The following GPHN variants were observed in gnomAD, a reference collection of about 807,000 sequenced individuals.
The protein encoded by GPHN is gephyrin.
In GPHN, 17 loss-of-function variants were observed where a neutral mutation model predicts 95.5. That is an observed-to-expected ratio of 0.18 (90% CI 0.12 to 0.27). The LOEUF is 0.27. GPHN is among the 10% of genes least tolerant of loss of function. The pLI is 1.00. For synonymous variants in GPHN, 320 were observed against 322.5 expected, an observed-to-expected ratio of 0.99 and a Z score of 0.08; for missense variants, 660 against 978.1, an observed-to-expected ratio of 0.67 and a Z score of 4.34.
chr14:67,663,810 T>C, the GPHN span, among the ~76,000 whole-genome samples: 1 of 152,214 alleles, frequency 6.6e-6, no homozygotes, highest in Non-Finnish European at 1.5e-5. Flanking sequence ...AAGCACCTTT[T>C]CTGGTTAGTC....
the GPHN span, among the ~76,000 whole-genome samples, chr14:67,272,919 C>T: frequency 2.0e-5 from 3 of 152,138 alleles, no homozygotes; most frequent in African/African-American, 7.2e-5. Flanking sequence ...TCCACAGCCT[C>T]AGCCTCAGCC....
intron 1 of GPHN, among the ~76,000 whole-genome samples, chr14:66,640,959 T>C (rs566081277): frequency 6.6e-6 from 1 of 152,168 alleles, no homozygotes; most frequent in Non-Finnish European, 1.5e-5. Flanking sequence ...TCACTAAGCT[T>C]GTCAGGCTGT....
chr14:67,310,750 T>G, the GPHN span, among the ~76,000 whole-genome samples: 1 of 152,220 alleles, frequency 6.6e-6, no homozygotes. Context: ...TTCCTATTTA[T>G]AGAAGTTAAT....
At chr14:67,390,107 A>C in the GPHN span, among the ~76,000 whole-genome samples, 8 of 152,350 alleles carry the variant, frequency 5.3e-5, no homozygotes, top group Middle Eastern at 6.8e-3. Context: ...TTTGCTTTTG[A>C]CTGGAATTAG....
chr14:66,934,003 G>T (rs2066965058), intron 8 of GPHN, among the ~76,000 whole-genome samples: 1 of 152,036 alleles, frequency 6.6e-6, no homozygotes, highest in Non-Finnish European at 1.5e-5. Context: ...GCCAGACGTT[G>T]TGGCACATGC....
chr14:66,973,574 A>G (rs778880685), intron 9 of GPHN, among the ~76,000 whole-genome samples: 14 of 152,196 alleles, frequency 9.2e-5, no homozygotes, highest in Non-Finnish European at 1.8e-4. Context: ...CTTGGTCAAC[A>G]TGCTGAAACC....
rs1156811106 is a variant in GPHN at position 67,082,311 on chromosome 14, T to C, written c.1145-6672T>C. 6.6e-5 allele frequency among the ~76,000 whole-genome samples: 10 copies of C among 152,188 alleles called. 1 individual carries two copies. The highest frequency in any genetic ancestry group is 1.5e-4 in the Non-Finnish European group (10 of 68,016). ...TTGTAGTTTTCCTTGTAGAGGTATATAGTATAATTGTAAGAGTCCAATTTT... is the reference window on the plus strand; with the variant it reads ...TTGTAGTTTTCCTTGTAGAGGTATACAGTATAATTGTAAGAGTCCAATTTT... On this transcript the variant is annotated intron_variant, in intron 11 of 22. Transcript: ENST00000478722.
chr14:66,682,707 A>G (rs1486422751), intron 2 of GPHN, among the ~76,000 whole-genome samples: 1 of 152,124 alleles, frequency 6.6e-6, no homozygotes, highest in East Asian at 1.9e-4. Context: ...CTGAGATTGC[A>G]CCACTGCACT....
chr14:66,958,565 G>C (rs933704788), intron 8 of GPHN, among the ~76,000 whole-genome samples: 1 of 152,104 alleles, frequency 6.6e-6, no homozygotes, highest in Non-Finnish European at 1.5e-5. Flanking sequence ...GTTGTTCCTA[G>C]TCCTAGGCTG....
At chr14:67,293,927 A>G in the GPHN span, among the ~76,000 whole-genome samples, 4 of 152,198 alleles carry the variant, frequency 2.6e-5, no homozygotes, top group Non-Finnish European at 5.9e-5. Flanking sequence ...AATTGCTCCA[A>G]TTGAAAAAAG....
At chr14:66,545,108 G>C (rs982520968) in intron 1 of GPHN, among the ~76,000 whole-genome samples, 2 of 152,182 alleles carry the variant, frequency 1.3e-5, no homozygotes, top group African/African-American at 4.8e-5. Flanking sequence ...CCTCCCAGAC[G>C]GGGTGGTGGC....
the GPHN span, chr14:67,199,292 A>G: frequency 1.2e-5 from 19 of 1,602,792 alleles, no homozygotes; most frequent in South Asian, 2.0e-4. Context: ...GAACATGATC[A>G]GACTCTATGG....
At chr14:67,015,133 C>A (rs1411389404) in intron 9 of GPHN, among the ~76,000 whole-genome samples, 1 of 152,124 alleles carries the variant, frequency 6.6e-6, no homozygotes, top group Non-Finnish European at 1.5e-5. Context: ...GAAGCATAAA[C>A]AAGCTTTGAT....
chr14:66,739,737 A>G (rs72728626), intron 2 of GPHN, among the ~76,000 whole-genome samples: 8,930 of 152,212 alleles, frequency 0.059, 357 homozygotes, highest in Middle Eastern at 0.099. Flanking sequence ...ATGAAGTACT[A>G]TGAATAAGAA....
the GPHN span, among the ~76,000 whole-genome samples, chr14:67,268,091 C>G: frequency 6.6e-6 from 1 of 152,074 alleles, no homozygotes; most frequent in Non-Finnish European, 1.5e-5. Context: ...ATTTCTTTCT[C>G]TTGTGTGGAA....
intron 2 of GPHN, among the ~76,000 whole-genome samples, chr14:66,696,223 A>G (rs1029424950): frequency 2.4e-4 from 37 of 152,240 alleles, no homozygotes; most frequent in African/African-American, 8.4e-4. Context: ...AACAAAATTA[A>G]CCATAAAAGA....
At chr14:66,929,740 G>A (rs539529373) in intron 8 of GPHN, among the ~76,000 whole-genome samples, 2 of 149,150 alleles carry the variant, frequency 1.3e-5, no homozygotes, top group South Asian at 4.2e-4. Context: ...GAGATGGAGT[G>A]TCACTCTTTC....
At chr14:67,358,942 CTCTT>C in the GPHN span, among the ~76,000 whole-genome samples, 1 of 152,192 alleles carries the variant, frequency 6.6e-6, no homozygotes, top group Non-Finnish European at 1.5e-5. Flanking sequence ...GATTAAGACA[CTCTT>C]TCATCCTGGA....
At chr14:66,845,103 CA>C (rs1197128303) in intron 4 of GPHN, among the ~76,000 whole-genome samples, 1 of 152,140 alleles carries the variant, frequency 6.6e-6, no homozygotes, top group African/African-American at 2.4e-5. Flanking sequence ...GTATATACCA[CA>C]ACTTTTTTAT....
Sources: gnomAD v4.1 joint callset for allele counts (sites outside exome capture counted in the v4.1 genomes callset) on GRCh38, gnomAD v4.1.1 for gene constraint, MANE v1.5 for transcripts, NCBI Gene and HGNC (gene_info 2026-07-23, HGNC 2026-07-21) for gene names.